The following BTBD9 variants were observed in gnomAD, a reference collection of about 807,000 sequenced individuals.
BTBD9 encodes BTB/POZ domain-containing protein 9.
Under a neutral mutation model 64.3 loss-of-function variants are expected in BTBD9, and 49 were observed. The observed-to-expected ratio is 0.76, with a 90% confidence interval of 0.61 to 0.97. The LOEUF (loss-of-function observed/expected upper bound fraction) is 0.97. Among genes scored for constraint, BTBD9 ranks in the 50% least tolerant of loss-of-function variants. The probability of loss-of-function intolerance (pLI) is 0.00; values close to 1 mark genes in which losing one functional copy is unlikely to be tolerated. For missense variants in BTBD9, 598 were observed against 762.1 expected (o/e 0.78, Z 2.53); for synonymous variants, 260 against 274.7 (o/e 0.95, Z 0.53).
At chr6:38,351,427 T>C (rs1039655093) in intron 6 of BTBD9, among the ~76,000 whole-genome samples, 1 of 151,848 alleles carries the variant, frequency 6.6e-6, no homozygotes, top group Non-Finnish European at 1.5e-5. Flanking sequence ...ATCAATTATA[T>C]GGAAGGGATG....
intron 10 of BTBD9, among the ~76,000 whole-genome samples, chr6:38,178,221 A>G (rs1226112307): frequency 6.6e-6 from 1 of 152,300 alleles, no homozygotes; most frequent in East Asian, 1.9e-4. Context: ...TTCTAAGTGG[A>G]AAAGAGTGTT....
intron 7 of BTBD9, among the ~76,000 whole-genome samples, chr6:38,305,479 T>A (rs886151124): frequency 2.6e-5 from 4 of 152,126 alleles, no homozygotes; most frequent in African/African-American, 9.7e-5. Context: ...GGTTATTGTT[T>A]TTGTTTGTTT....
intron 6 of BTBD9, among the ~76,000 whole-genome samples, chr6:38,392,621 A>C (rs1766471364): frequency 6.6e-6 from 1 of 152,218 alleles, no homozygotes; most frequent in Non-Finnish European, 1.5e-5. Context: ...TACTAAAAAG[A>C]AAAAGTTTCA....
intron 9 of BTBD9, among the ~76,000 whole-genome samples, chr6:38,253,605 AAAG>A (rs952324883): frequency 1.1e-4 from 17 of 152,310 alleles, no homozygotes; most frequent in Admixed American, 9.8e-4. Context: ...ATAAATGACA[AAAG>A]AGACCTGTGG....
At chr6:38,219,241 T>C (rs1763119825) in intron 9 of BTBD9, among the ~76,000 whole-genome samples, 1 of 147,100 alleles carries the variant, frequency 6.8e-6, no homozygotes. Context: ...TTCAAACAAT[T>C]CCCCCACCTC....
intron 6 of BTBD9, among the ~76,000 whole-genome samples, chr6:38,424,902 G>A (rs1398995842): frequency 6.6e-6 from 1 of 151,658 alleles, no homozygotes; most frequent in Non-Finnish European, 1.5e-5. Flanking sequence ...GCAGTGGCAC[G>A]ATATCGGCTT....
intron 9 of BTBD9, among the ~76,000 whole-genome samples, chr6:38,210,901 T>C (rs1258172218): frequency 1.3e-5 from 2 of 152,140 alleles, no homozygotes; most frequent in East Asian, 1.9e-4. Flanking sequence ...TTGAACACAC[T>C]GCTACACATT....
chr6:38,363,774 T>A (rs1275848615), intron 6 of BTBD9, among the ~76,000 whole-genome samples: 1 of 152,152 alleles, frequency 6.6e-6, no homozygotes, highest in African/African-American at 2.4e-5. Context: ...GGGAAGAAAT[T>A]AAGAAAATGG....
chr6:38,310,037 T>G (rs1299114412), intron 7 of BTBD9, among the ~76,000 whole-genome samples: 1 of 152,112 alleles, frequency 6.6e-6, no homozygotes, highest in Non-Finnish European at 1.5e-5. Flanking sequence ...CTCTTGTGCC[T>G]TAACCCTCAC....
intron 8 of BTBD9, among the ~76,000 whole-genome samples, chr6:38,271,619 T>C (rs903303420): frequency 6.6e-6 from 1 of 151,946 alleles, no homozygotes; most frequent in African/African-American, 2.4e-5. Context: ...AGAGACTGTA[T>C]GGCCTGCAAA....
chr6:38,548,570 T>G (rs140581145), intron 6 of BTBD9, among the ~76,000 whole-genome samples: 1 of 151,880 alleles, frequency 6.6e-6, no homozygotes, highest in Non-Finnish European at 1.5e-5. Context: ...GAAGAAAGAA[T>G]AGAGCAATTT....
intron 6 of BTBD9, chr6:38,571,870 G>C (rs1582651927): frequency 6.6e-6 from 1 of 152,136 alleles, no homozygotes; most frequent in South Asian, 2.1e-4. Context: ...TGAGGTAGAA[G>C]AATCATTTGA....
intron 6 of BTBD9, among the ~76,000 whole-genome samples, chr6:38,512,612 AC>A (rs1772824436): frequency 6.6e-6 from 1 of 152,150 alleles, no homozygotes; most frequent in South Asian, 2.1e-4. Context: ...TGTGAGGTAA[AC>A]CATTTTGCCC....
intron 6 of BTBD9, among the ~76,000 whole-genome samples, chr6:38,527,844 C>G (rs1463964768): frequency 6.8e-6 from 1 of 147,116 alleles, no homozygotes; most frequent in Non-Finnish European, 1.5e-5. Context: ...TCATGAAAAT[C>G]AGAAATAGGA....
At chr6:38,259,708 T>C (rs1380934503) in intron 8 of BTBD9, among the ~76,000 whole-genome samples, 4 of 152,204 alleles carry the variant, frequency 2.6e-5, no homozygotes, top group African/African-American at 9.7e-5. Flanking sequence ...ATTCCTTATT[T>C]TCTATTGTAA....
intron 6 of BTBD9, among the ~76,000 whole-genome samples, chr6:38,546,308 C>T (rs779094493): frequency 2.6e-5 from 4 of 152,260 alleles, no homozygotes; most frequent in Non-Finnish European, 5.9e-5. Context: ...ACAGAAATAA[C>T]CTGGCTTCTG....
intron 9 of BTBD9, among the ~76,000 whole-genome samples, chr6:38,204,965 A>T (rs1762583990): frequency 6.6e-6 from 1 of 152,224 alleles, no homozygotes; most frequent in South Asian, 2.1e-4. Flanking sequence ...GTAAATTAAA[A>T]CTATGAGCGA....
chr6:38,639,549 C>T (rs1778652538), intron 1 of BTBD9, among the ~76,000 whole-genome samples: 2 of 152,152 alleles, frequency 1.3e-5, no homozygotes, highest in African/African-American at 4.8e-5. Context: ...GCTGGTAGAG[C>T]CACCCCGAAT....
chr6:38,308,015 A>T (rs796433503), intron 7 of BTBD9, among the ~76,000 whole-genome samples: 9 of 152,274 alleles, frequency 5.9e-5, no homozygotes, highest in African/African-American at 2.2e-4. Flanking sequence ...CTCTCTCCTC[A>T]CACTGGGGCC....
Sources: allele counts gnomAD v4.1 joint callset (sites outside exome capture counted in the v4.1 genomes callset), GRCh38; gene constraint gnomAD v4.1.1; transcripts MANE v1.5; gene names NCBI Gene and HGNC (gene_info 2026-07-23, HGNC 2026-07-21).